The following TBC1D22A variants were observed in gnomAD, a reference collection of about 807,000 sequenced individuals.
The protein encoded by TBC1D22A is putative GTPase activator.
TBC1D22A carries 38 observed loss-of-function variants against 60.2 expected under a neutral mutation model. The ratio of observed to expected loss-of-function variants is 0.63; its 90% confidence interval spans 0.49 to 0.83. The LOEUF (loss-of-function observed/expected upper bound fraction) is 0.83. TBC1D22A is among the 40% of genes least tolerant of loss of function. The pLI, the probability that TBC1D22A is intolerant of heterozygous loss-of-function variation, is 0.00. For missense variants in TBC1D22A, 628 were observed against 701.0 expected, an observed-to-expected ratio of 0.90 and a Z score of 1.18; for synonymous variants, 302 against 281.7, an observed-to-expected ratio of 1.07 and a Z score of -0.72.
chr22:46,905,743 CT>C (rs937419151), intron 7 of TBC1D22A, among the ~76,000 whole-genome samples: 3 of 152,242 alleles, frequency 2.0e-5, no homozygotes, highest in Admixed American at 6.5e-5. Flanking sequence ...AAGCTTCCCC[CT>C]GCCTTGCTGG....
intron 4 of TBC1D22A, among the ~76,000 whole-genome samples, chr22:46,825,661 A>G (rs1349806823): frequency 6.6e-6 from 1 of 151,768 alleles, no homozygotes. Context: ...TTTAGTAGAG[A>G]CGGGGTTTTG....
At chr22:46,991,106 A>G (rs2074923091) in intron 9 of TBC1D22A, among the ~76,000 whole-genome samples, 1 of 151,996 alleles carries the variant, frequency 6.6e-6, no homozygotes, top group Admixed American at 6.5e-5. Context: ...AGACACAGTA[A>G]CTCAGTACCG....
chr22:46,826,430 C>T (rs571471186), intron 4 of TBC1D22A, among the ~76,000 whole-genome samples: 27 of 152,348 alleles, frequency 1.8e-4, no homozygotes, highest in African/African-American at 6.0e-4. Flanking sequence ...ATTATTGTTT[C>T]CAAAGATATG....
At chr22:46,955,602 C>T (rs1451699529) in intron 8 of TBC1D22A, among the ~76,000 whole-genome samples, 2 of 152,146 alleles carry the variant, frequency 1.3e-5, no homozygotes, top group African/African-American at 4.8e-5. Context: ...AATAAGCAGA[C>T]ATGTTACAAA....
chr22:47,136,545 C>T (rs1336726806), intron 12 of TBC1D22A, among the ~76,000 whole-genome samples: 1 of 145,794 alleles, frequency 6.9e-6, no homozygotes, highest in Non-Finnish European at 1.5e-5. Context: ...CAGTGATGGC[C>T]AGACCCGGGG....
chr22:47,156,880 G>A (rs9626940), intron 12 of TBC1D22A, among the ~76,000 whole-genome samples: 29,612 of 152,232 alleles, frequency 0.19, 3,686 homozygotes, highest in African/African-American at 0.35. Context: ...CCCATTTGCC[G>A]TCTCCTTCTG....
At chr22:46,935,068 G>C (rs1241198667) in intron 8 of TBC1D22A, among the ~76,000 whole-genome samples, 1 of 152,184 alleles carries the variant, frequency 6.6e-6, no homozygotes, top group African/African-American at 2.4e-5. Flanking sequence ...TCATCATGCA[G>C]GTTTTCAGGG....
Position 46,972,968 on chromosome 22 carries a change from C to T in TBC1D22A, c.1016-1322C>T, listed in dbSNP as rs117662301. ...GCTGTTGCCTCCCTGTCCAGGCCCT[C>T]GAGCGCCCAGCTGCTCACTCCTGCT... is the stretch of plus-strand genomic sequence containing the variant. On this transcript the variant is annotated intron_variant, in intron 8 of 12. Coordinates refer to ENST00000337137, the MANE Select transcript of TBC1D22A (RefSeq NM_014346.5). Among the ~76,000 whole-genome samples, 744 of 152,294 alleles carry T rather than the reference C, an allele frequency of 4.9e-3. 2 individuals are homozygous for T. The highest frequency in any genetic ancestry group is 0.01 in the Middle Eastern group (3 of 294).
chr22:47,101,384 G>A (rs954355914), intron 11 of TBC1D22A, among the ~76,000 whole-genome samples: 5 of 152,248 alleles, frequency 3.3e-5, no homozygotes, highest in South Asian at 2.1e-4. Context: ...ATGCTGGGCC[G>A]GCCTCTAGAG....
intron 1 of TBC1D22A, among the ~76,000 whole-genome samples, chr22:46,781,762 G>T (rs1212717806): frequency 6.6e-6 from 1 of 152,176 alleles, no homozygotes; most frequent in African/African-American, 2.4e-5. Flanking sequence ...TCACCTGTGT[G>T]CGGCCTCTCC....
At chr22:46,818,939 G>A (rs762247030) in intron 4 of TBC1D22A, among the ~76,000 whole-genome samples, 51 of 152,074 alleles carry the variant, frequency 3.4e-4, no homozygotes, top group Non-Finnish European at 5.6e-4. Flanking sequence ...TCCTTGAAGA[G>A]GTCCTTCACA....
rs545375139 is a variant in TBC1D22A at position 47,162,827 on chromosome 22, A to C, written c.1426-10671A>C. Among the ~76,000 whole-genome samples, 92 of 131,732 alleles carry C rather than the reference A, an allele frequency of 7.0e-4. 6 individuals are homozygous for C. Among genetic ancestry groups the C allele is most frequent in the African/African-American group, 2.8e-3 (91 of 32,344 alleles). The allele number at this position is 131,732 out of a possible 152,430, so 86.4% of individuals were successfully genotyped here. A position where few individuals can be genotyped will look rare whatever the true frequency, so the allele number is the denominator to read the frequency against. On this transcript the variant is annotated intron_variant, in intron 12 of 12. Transcript: ENST00000337137. The stretch of plus-strand genomic sequence containing the variant: ...GGGACTGTGGACCCGGTGCAGGGAG[A>C]GTCGGGGGAGTGGGACTGCGGACCC...
chr22:46,958,014 C>T (rs185484191), intron 8 of TBC1D22A, among the ~76,000 whole-genome samples: 200 of 151,370 alleles, frequency 1.3e-3, no homozygotes, highest in African/African-American at 4.7e-3. Flanking sequence ...CTGCATTTCT[C>T]GGGGGTTGGG....
At chr22:47,161,687 A>G (rs1308708502) in intron 12 of TBC1D22A, among the ~76,000 whole-genome samples, 1 of 152,214 alleles carries the variant, frequency 6.6e-6, no homozygotes, top group Non-Finnish European at 1.5e-5. Context: ...ACACCTGGAA[A>G]TGAGTGGCAG....
chr22:46,875,116 A>G (rs1396112332), intron 4 of TBC1D22A, among the ~76,000 whole-genome samples: 1 of 152,216 alleles, frequency 6.6e-6, no homozygotes, highest in Non-Finnish European at 1.5e-5. Flanking sequence ...AAGAGCGTTC[A>G]TCGCAGCCTA....
intron 11 of TBC1D22A, among the ~76,000 whole-genome samples, chr22:47,049,068 G>T (rs758171651): frequency 1.3e-5 from 2 of 152,222 alleles, no homozygotes; most frequent in African/African-American, 2.4e-5. Context: ...AATTTTCTGT[G>T]ACCTTTCGTT....
At chr22:46,822,713 C>A (rs2085883506) in intron 4 of TBC1D22A, among the ~76,000 whole-genome samples, 1 of 152,136 alleles carries the variant, frequency 6.6e-6, no homozygotes, top group Non-Finnish European at 1.5e-5. Context: ...TGGAGGGTCC[C>A]ACCCAGTTGG....
At chr22:47,132,750 A>G (rs1475904787) in intron 12 of TBC1D22A, among the ~76,000 whole-genome samples, 1 of 152,130 alleles carries the variant, frequency 6.6e-6, no homozygotes, top group Non-Finnish European at 1.5e-5. Flanking sequence ...GCAGGTTGGG[A>G]GGTGCAGGTT....
Position 46,799,707 on chromosome 22 carries a change from G to A in TBC1D22A, c.637+2087G>A, listed in dbSNP as rs532906542. 1.3e-4 allele frequency among the ~76,000 whole-genome samples: 20 copies of A among 152,312 alleles called. 1 individual carries two copies. In the South Asian group the frequency reaches 2.5e-3, roughly 19 times the overall value. Reference sequence around the variant, plus strand: ...CCATCTTGACACTTTAGCAGAGCACGGGCCAGTGATTTTGTGGGATGTCCC... The same window carrying A: ...CCATCTTGACACTTTAGCAGAGCACAGGCCAGTGATTTTGTGGGATGTCCC... On this transcript the variant is annotated intron_variant, in intron 4 of 12. Coordinates refer to ENST00000337137, the MANE Select transcript of TBC1D22A (RefSeq NM_014346.5).
Sources: gnomAD v4.1 joint callset for allele counts (sites outside exome capture counted in the v4.1 genomes callset) on GRCh38, gnomAD v4.1.1 for gene constraint, MANE v1.5 for transcripts, NCBI Gene and HGNC (gene_info 2026-07-23, HGNC 2026-07-21) for gene names.